The following RNF220 variants were observed in gnomAD, a reference collection of about 807,000 sequenced individuals.
The protein encoded by RNF220 is ring finger protein 220.
RNF220 carries 7 observed loss-of-function variants against 67.1 expected under a neutral mutation model. The ratio of observed to expected loss-of-function variants is 0.10; its 90% CI spans 0.06 to 0.20. The LOEUF (loss-of-function observed/expected upper bound fraction) is 0.20, where lower values mean the gene tolerates loss of function less well. Ranked by LOEUF, RNF220 falls within the 10% of genes least tolerant of loss-of-function variation. RNF220 has a pLI of 1.00. For missense variants in RNF220, 565 were observed against 740.3 expected (o/e 0.76, Z 2.75); for synonymous variants, 270 against 283.2 (o/e 0.95, Z 0.47).
intron 2 of RNF220, among the ~76,000 whole-genome samples, chr1:44,613,650 G>A (rs956650807): frequency 8.5e-5 from 13 of 152,220 alleles, no homozygotes; most frequent in African/African-American, 3.1e-4. Flanking sequence ...ACCAAGGCTG[G>A]CAGATGACTT....
chr1:44,572,215 C>T (rs566491633), intron 2 of RNF220, among the ~76,000 whole-genome samples: 1 of 152,240 alleles, frequency 6.6e-6, no homozygotes, highest in Non-Finnish European at 1.5e-5. Context: ...TGACATTTGA[C>T]TACCTTTGTG....
At chr1:44,481,524 A>C (rs1384801082) in intron 2 of RNF220, among the ~76,000 whole-genome samples, 1 of 152,176 alleles carries the variant, frequency 6.6e-6, no homozygotes. Context: ...CAACACGCAC[A>C]CAGGGCCTGT....
intron 2 of RNF220, among the ~76,000 whole-genome samples, chr1:44,507,532 G>A (rs561775611): frequency 2.0e-5 from 3 of 151,988 alleles, no homozygotes; most frequent in Non-Finnish European, 2.9e-5. Context: ...GTTGGTCGGG[G>A]TAATCCAGTT....
At chr1:44,410,967 A>C (rs899639740) in intron 1 of RNF220, among the ~76,000 whole-genome samples, 6 of 152,234 alleles carry the variant, frequency 3.9e-5, no homozygotes, top group Non-Finnish European at 5.9e-5. Flanking sequence ...AACTGAAAGA[A>C]GTCTCTCCGA....
chr1:44,496,559 C>A (rs1657362324), intron 2 of RNF220, among the ~76,000 whole-genome samples: 2 of 152,184 alleles, frequency 1.3e-5, no homozygotes, highest in Admixed American at 1.3e-4. Flanking sequence ...AGAGCTGAGT[C>A]CAAGGGGAAA....
chr1:44,627,751 GAC>G (rs1643998989), intron 5 of RNF220, among the ~76,000 whole-genome samples: 1 of 152,238 alleles, frequency 6.6e-6, no homozygotes, highest in South Asian at 2.1e-4. Flanking sequence ...GATACAGAAA[GAC>G]AGGGCTGCAG....
chr1:44,478,493 G>A (rs897363002), intron 2 of RNF220, among the ~76,000 whole-genome samples: 2 of 152,014 alleles, frequency 1.3e-5, no homozygotes. Flanking sequence ...AGGCCAAGGT[G>A]GGTGGATCAC....
intron 2 of RNF220, among the ~76,000 whole-genome samples, chr1:44,478,500 T>A (rs564551754): frequency 6.6e-6 from 1 of 151,854 alleles, no homozygotes; most frequent in Non-Finnish European, 1.5e-5. Context: ...GGTGGGTGGA[T>A]CACCTGAAGC....
At chr1:44,475,568 CAAAAA>C (rs35917344) in intron 2 of RNF220, among the ~76,000 whole-genome samples, 1 of 70,980 alleles carries the variant, frequency 1.4e-5, no homozygotes, top group Admixed American at 1.6e-4. Context: ...GACTCGGTCT[CAAAAA>C]AAAAAAAAAA....
intron 2 of RNF220, among the ~76,000 whole-genome samples, chr1:44,498,307 C>G (rs1240474989): frequency 2.0e-5 from 3 of 152,152 alleles, no homozygotes; most frequent in Non-Finnish European, 4.4e-5. Context: ...CACAGCCTCA[C>G]CACCCAATTC....
intron 2 of RNF220, among the ~76,000 whole-genome samples, chr1:44,431,232 A>T (rs932165259): frequency 1.8e-4 from 27 of 152,186 alleles, no homozygotes; most frequent in Non-Finnish European, 2.8e-4. Flanking sequence ...GAGGTGGCTC[A>T]TGCCTGTAAT....
chr1:44,511,854 A>G (rs2148126198), intron 2 of RNF220, among the ~76,000 whole-genome samples: 1 of 152,144 alleles, frequency 6.6e-6, no homozygotes, highest in South Asian at 2.1e-4. Context: ...ACTAGATACA[A>G]TGAAAGGGGG....
rs983436783 is a variant in RNF220, at chr1:44,600,399, G to A, written c.626-13766G>A. On this transcript the variant is annotated intron_variant, in intron 2 of 14. Transcript: ENST00000361799. This position sits in a 1 kb window ranked among gnomAD's most constrained non-coding sequence, Gnocchi z 4.0. ...AGCTAACATCAGAGGCAGCAGAATA[G>A]CGTGACTAAGAGCATGCATGGGGCT... Among the ~76,000 whole-genome samples, 4 of 152,210 alleles carry A rather than the reference G, an allele frequency of 2.6e-5. No individual in the cohort carries two copies. The highest frequency in any genetic ancestry group is 7.2e-5 in the African/African-American group (3 of 41,442).
At chr1:44,471,824 C>CA (rs57392350) in intron 2 of RNF220, among the ~76,000 whole-genome samples, 159 of 149,046 alleles carry the variant, frequency 1.1e-3, no homozygotes, top group African/African-American at 3.3e-3. Context: ...AACTCCATCT[C>CA]AAAAAAAAAA....
At position 44,547,744 on chromosome 1, in the gene RNF220, G is replaced by A. The variant is rs115627820; in HGVS notation, c.626-66421G>A. On this transcript the variant is annotated intron_variant, in intron 2 of 14. Coordinates refer to ENST00000361799, the MANE Select transcript of RNF220 (RefSeq NM_018150.4). The stretch of plus-strand genomic sequence containing the variant: ...CAACTGCCTGGTGAATATCTTCAGC[G>A]CTTTGTCCAATAGACATCTCAAAAT... Among the ~76,000 whole-genome samples, 635 of 152,186 alleles carry A rather than the reference G, an allele frequency of 4.2e-3. 3 individuals carry two copies. The highest frequency in any genetic ancestry group is 0.034 in the Middle Eastern group (10 of 294).
At chr1:44,581,089 G>A (rs1038094584) in intron 2 of RNF220, among the ~76,000 whole-genome samples, 3 of 152,184 alleles carry the variant, frequency 2.0e-5, no homozygotes, top group Non-Finnish European at 4.4e-5. Context: ...GAGAGTGTCC[G>A]GAAGGACTGC....
At chr1:44,456,814 T>G in intron 2 of RNF220, among the ~76,000 whole-genome samples, 1 of 152,056 alleles carries the variant, frequency 6.6e-6, no homozygotes, top group East Asian at 1.9e-4. Context: ...GGTCTAGCCC[T>G]CTCCCTCTCT....
intron 2 of RNF220, among the ~76,000 whole-genome samples, chr1:44,415,192 G>A (rs540249017): frequency 4.0e-5 from 6 of 151,768 alleles, no homozygotes; most frequent in South Asian, 2.1e-4. Context: ...ATATGCCGAC[G>A]TGTGTCGGAA....
At chr1:44,632,483 C>G (rs538065128) in intron 6 of RNF220, 98 bp downstream of exon 6, 4 of 1,216,114 alleles carry the variant, frequency 3.3e-6, no homozygotes, top group African/African-American at 1.5e-5. Context: ...CTCTTCGACT[C>G]TGGGGCCCGT....
Sources: gnomAD v4.1 joint callset for allele counts (sites outside exome capture counted in the v4.1 genomes callset) on GRCh38, gnomAD v4.1.1 for gene constraint, Gnocchi (gnomAD v3.1) non-coding constraint, MANE v1.5 for transcripts, NCBI Gene and HGNC (gene_info 2026-07-23, HGNC 2026-07-21) for gene names.